BRIP1: variants seen among roughly 807,000 people sequenced by gnomAD.
The protein encoded by BRIP1 is Fanconi anemia group J protein.
In BRIP1, 88 loss-of-function variants were observed where a neutral mutation model predicts 119.7. The observed-to-expected ratio is 0.74, with a 90% confidence interval of 0.62 to 0.88. BRIP1 has a LOEUF of 0.88. Among genes scored for constraint, BRIP1 ranks in the 40% least tolerant of loss-of-function variants. BRIP1 has a pLI of 0.00. For missense variants in BRIP1, 1,259 were observed against 1,455.4 expected (o/e 0.87, Z 2.20); for synonymous variants, 443 against 496.5 (o/e 0.89, Z 1.43).
At chr17:61,855,376 G>A (rs763158244) in intron 4 of BRIP1, among the ~76,000 whole-genome samples, 2 of 152,012 alleles carry the variant, frequency 1.3e-5, no homozygotes, top group East Asian at 1.9e-4. Flanking sequence ...TCAGGAGTTC[G>A]AGACCAGCCT....
chr17:61,734,307 T>C lies in BRIP1; in HGVS notation c.2379+8706A>G, dbSNP rs2076889139. Among the ~76,000 whole-genome samples the C allele has an allele frequency of 6.6e-6, 1 of 152,252 alleles. No homozygotes were observed. The highest frequency in any genetic ancestry group is 6.5e-5 in the Admixed American group (1 of 15,288). ...AAGAAAACAACTTTTATTTTAGTTA[T>C]ACTTTTCCATCGACATCTAGTCATA... On this transcript the variant is annotated intron_variant, in intron 16 of 19. Transcript: ENST00000259008. This position sits in a 1 kb window ranked among gnomAD's most constrained non-coding sequence, Gnocchi z 5.2.
rs36015135 is a variant in BRIP1 at position 61,846,830 on chromosome 17, T to C, written c.627+271A>G. Among the ~76,000 whole-genome samples, 3,505 of 152,276 alleles carry C rather than the reference T, an allele frequency of 0.023. 54 individuals are homozygous for C. Among genetic ancestry groups the C allele is most frequent in the South Asian group, 0.034 (166 of 4,826 alleles). On this transcript the variant is annotated intron_variant, in intron 6 of 19. Coordinates refer to ENST00000259008, the MANE Select transcript of BRIP1 (RefSeq NM_032043.3). The surrounding 1 kb of genome is among the most constrained non-coding windows in gnomAD (Gnocchi z 4.3). ...GAAAGAACTGTAAGGAGTTGGAGAA[T>C]TTACAAACATTAAAATACAGAACAG...
Position 61,742,891 on chromosome 17 carries a change from C to G in BRIP1, c.2379+122G>C. 1 of 1,281,706 alleles carries G rather than the reference C, an allele frequency of 7.8e-7. No homozygotes were observed. The highest frequency in any genetic ancestry group is 1.1e-6 in the Non-Finnish European group (1 of 893,842). 79.4% of individuals were successfully genotyped at this position (1,281,706 alleles called of 1,614,324 possible). A position where few individuals can be genotyped will look rare whatever the true frequency, so the allele number is the denominator to read the frequency against. On this transcript the variant is annotated intron_variant, in intron 16 of 19. Coordinates refer to ENST00000259008, the MANE Select transcript of BRIP1 (RefSeq NM_032043.3). This position sits in a 1 kb window ranked among gnomAD's most constrained non-coding sequence, Gnocchi z 4.7. ...TTGCACAATGCAGGGTTACCATAAA[C>G]CTTCAATTTGTAAAAAAGCACTATA... is the stretch of plus-strand genomic sequence containing the variant.
intron 9 of BRIP1, among the ~76,000 whole-genome samples, chr17:61,797,520 C>T (rs2077919632): frequency 6.6e-6 from 1 of 151,884 alleles, no homozygotes. Context: ...CTGCTAAGAT[C>T]GATGAGGGAA....
In BRIP1 at chr17:61,784,312, C is replaced by T. The variant is rs138784299; in HGVS notation, c.1586G>A (p.Gly529Glu). ...ISASTQIMLK[G>E]LFMVLDYLFR... ...AAGATAGTCAAGTACCATAAAAAGT[C>T]CTTTAAGCATTATTTGAGTTGATGC... The change falls in exon 11 of 20, where the codon GGA (glycine) becomes GAA (glutamate). Residue 529 changes from glycine to glutamate, a missense_variant. By Grantham distance (98) the Gly-to-Glu change is moderately conservative (BLOSUM62 -2). Transcript: ENST00000259008. The T allele has an allele frequency of 3.7e-6, 6 of 1,613,160 alleles. No homozygotes were observed. The African/African-American group carries it at 8.0e-5, about 22-fold the overall frequency.
rs747731659 is a variant in BRIP1, at chr17:61,827,075, G to A, written c.628-18318C>T. On this transcript the variant is annotated intron_variant, in intron 6 of 19. Coordinates refer to ENST00000259008, the MANE Select transcript of BRIP1 (RefSeq NM_032043.3). This position sits in a 1 kb window ranked among gnomAD's most constrained non-coding sequence, Gnocchi z 5.8. Reference sequence around the variant, plus strand: ...TAAAAATGTGGTACATATACACTGTGGAATACTATGTAGCCATAAAAAAAA... The same window carrying A: ...TAAAAATGTGGTACATATACACTGTAGAATACTATGTAGCCATAAAAAAAA... Among the ~76,000 whole-genome samples the A allele has an allele frequency of 8.3e-6, 1 of 120,026 alleles. No homozygotes were observed. Among genetic ancestry groups the A allele is most frequent in the Non-Finnish European group, 1.7e-5 (1 of 57,388 alleles). 78.7% of individuals were successfully genotyped at this position (120,026 alleles called of 152,430 possible).
At chr17:61,718,994 A>C (rs2061927795) in intron 16 of BRIP1, among the ~76,000 whole-genome samples, 1 of 152,176 alleles carries the variant, frequency 6.6e-6, no homozygotes, top group Admixed American at 6.5e-5. Context: ...CAAGAAAAAA[A>C]TCTGTACATG....
At position 61,705,227 on chromosome 17, in the gene BRIP1, T is replaced by A. The variant is rs1217519284; in HGVS notation, c.2492+10724A>T. On this transcript the variant is annotated intron_variant, in intron 17 of 19. Coordinates refer to ENST00000259008, the MANE Select transcript of BRIP1 (RefSeq NM_032043.3). This position sits in a 1 kb window ranked among gnomAD's most constrained non-coding sequence, Gnocchi z 5.0. Reference sequence around the variant, plus strand: ...TGTTTCTGTGTTAGTTTGCTTAGGATAATGGCCTCCAGTTGCATCCATGTT... The same window carrying A: ...TGTTTCTGTGTTAGTTTGCTTAGGAAAATGGCCTCCAGTTGCATCCATGTT... Among the ~76,000 whole-genome samples the A allele has an allele frequency of 2.0e-5, 3 of 152,198 alleles. No individual in the cohort carries two copies. Among genetic ancestry groups the A allele is most frequent in the Admixed American group, 6.5e-5 (1 of 15,276 alleles).
Position 61,862,603 on chromosome 17 carries a change from C to T in BRIP1, c.-31+681G>A, listed in dbSNP as rs1036591641. ...AAGCATAAGTTTCTGTACATGATTG[C>T]ATTTTTCTGAAGAAAAAGTCCATAG... On this transcript the variant is annotated intron_variant, in intron 1 of 19. Coordinates refer to ENST00000259008, the MANE Select transcript of BRIP1 (RefSeq NM_032043.3). This position sits in a 1 kb window ranked among gnomAD's most constrained non-coding sequence, Gnocchi z 5.3. Among the ~76,000 whole-genome samples the T allele has an allele frequency of 6.6e-6, 1 of 152,122 alleles. No individual in the cohort carries two copies. Among genetic ancestry groups the T allele is most frequent in the African/African-American group, 2.4e-5 (1 of 41,414 alleles).
Position 61,724,243 on chromosome 17 carries a change from A to C in BRIP1, c.2380-8180T>G, listed in dbSNP as rs2076736973. 6.6e-6 allele frequency among the ~76,000 whole-genome samples: 1 copy of C among 152,074 alleles called. No homozygotes were observed. The highest frequency in any genetic ancestry group is 2.1e-4 in the South Asian group (1 of 4,830). On this transcript the variant is annotated intron_variant, in intron 16 of 19. Transcript: ENST00000259008. The surrounding 1 kb of genome is among the most constrained non-coding windows in gnomAD (Gnocchi z 5.1). ...ATACCCAATAGACAGATGGCATTCA[A>C]GCAGAAGTTATATGATTTTGGATTC...
rs1053411074 is a variant in BRIP1, at chr17:61,842,792, A to T, written c.627+4309T>A. 5.3e-5 allele frequency among the ~76,000 whole-genome samples: 8 copies of T among 152,192 alleles called. No homozygotes were observed. The highest frequency in any genetic ancestry group is 3.8e-4 in the East Asian group (2 of 5,196). On this transcript the variant is annotated intron_variant, in intron 6 of 19. Transcript: ENST00000259008. This position sits in a 1 kb window ranked among gnomAD's most constrained non-coding sequence, Gnocchi z 5.1. ...GTATGCCAGATACTCTCAGCACTGT[A>T]TAGATATCAACTTGTTTAATCCTCC...
chr17:61,785,084 C>T (rs921559405), intron 10 of BRIP1, among the ~76,000 whole-genome samples: 2 of 152,036 alleles, frequency 1.3e-5, no homozygotes, highest in Non-Finnish European at 2.9e-5. Flanking sequence ...TTATTTGGTG[C>T]CTTTCAGATG....
In BRIP1 at chr17:61,754,667, C is replaced by G. The variant is rs887856185; in HGVS notation, c.2098-10076G>C. Among the ~76,000 whole-genome samples the G allele has an allele frequency of 6.6e-6, 1 of 152,140 alleles. No homozygotes were observed. Among genetic ancestry groups the G allele is most frequent in the Non-Finnish European group, 1.5e-5 (1 of 68,018 alleles). Reference sequence around the variant, plus strand: ...TGGCTTAAACAAGAGAAATTTATTTCTTACTTCTTGGCTATGAAGTCCAAG... The same window carrying G: ...TGGCTTAAACAAGAGAAATTTATTTGTTACTTCTTGGCTATGAAGTCCAAG... On this transcript the variant is annotated intron_variant, in intron 14 of 19. Transcript: ENST00000259008. This position sits in a 1 kb window ranked among gnomAD's most constrained non-coding sequence, Gnocchi z 4.1.
At position 61,799,448 on chromosome 17, in the gene BRIP1, C is replaced by T. The variant is rs1227036248; in HGVS notation, c.1141-149G>A. On this transcript the variant is annotated intron_variant, in intron 8 of 19. Coordinates refer to ENST00000259008, the MANE Select transcript of BRIP1 (RefSeq NM_032043.3). The surrounding 1 kb of genome is among the most constrained non-coding windows in gnomAD (Gnocchi z 5.1). ...CAGAGATTCTAGGTCTTAAATAAAA[C>T]TTCTGAAGCACTATGGCCAACCAAA... The T allele has an allele frequency of 4.3e-5, 29 of 667,796 alleles. No homozygotes were observed. The East Asian group carries it at 7.3e-4, about 17-fold the overall frequency. The allele number at this position is 667,796 out of a possible 1,614,324, so 41.4% of individuals were successfully genotyped here. A position where few individuals can be genotyped will look rare whatever the true frequency, so the allele number is the denominator to read the frequency against.
chr17:61,790,185 A>T (rs925964948), intron 10 of BRIP1, among the ~76,000 whole-genome samples: 3 of 152,176 alleles, frequency 2.0e-5, no homozygotes, highest in Admixed American at 2.0e-4. Context: ...CTTCAACTTC[A>T]TAAAAATAGA....
At chr17:61,772,429 G>A (rs931155141) in intron 14 of BRIP1, among the ~76,000 whole-genome samples, 2 of 151,674 alleles carry the variant, frequency 1.3e-5, no homozygotes. Flanking sequence ...GTTATTTTGT[G>A]GGAACAGAGT....
chr17:61,731,061 C>A (rs1259379147), intron 16 of BRIP1, among the ~76,000 whole-genome samples: 1 of 145,692 alleles, frequency 6.9e-6, no homozygotes, highest in East Asian at 2.0e-4. Flanking sequence ...TTTCAAAATA[C>A]TTTTGGCCAA....
chr17:61,708,167 A>C lies in BRIP1; in HGVS notation c.2492+7784T>G, dbSNP rs1476741087. ...AGCCTGCAAAGCCTAAAATATACACAATAGTCCCCCACAGCCACAATCTTG... is the reference window on the plus strand; with the variant it reads ...AGCCTGCAAAGCCTAAAATATACACCATAGTCCCCCACAGCCACAATCTTG... On this transcript the variant is annotated intron_variant, in intron 17 of 19. Coordinates refer to ENST00000259008, the MANE Select transcript of BRIP1 (RefSeq NM_032043.3). The surrounding 1 kb of genome is among the most constrained non-coding windows in gnomAD (Gnocchi z 4.4). Among the ~76,000 whole-genome samples the C allele has an allele frequency of 6.6e-6, 1 of 152,202 alleles. No individual in the cohort carries two copies. Among genetic ancestry groups the C allele is most frequent in the African/African-American group, 2.4e-5 (1 of 41,438 alleles).
chr17:61,804,671 T>C lies in BRIP1; in HGVS notation c.919-3197A>G, dbSNP rs2145374230. On this transcript the variant is annotated intron_variant, in intron 7 of 19. Coordinates refer to ENST00000259008, the MANE Select transcript of BRIP1 (RefSeq NM_032043.3). This position sits in a 1 kb window ranked among gnomAD's most constrained non-coding sequence, Gnocchi z 4.5. ...AGTGCTGGCATTACAGGCATGAGCA[T>C]CATGCCCGGCCAATGTATTTTTTAC... 1.3e-5 allele frequency among the ~76,000 whole-genome samples: 2 copies of C among 152,122 alleles called. No individual in the cohort carries two copies. The highest frequency in any genetic ancestry group is 3.9e-4 in the East Asian group (2 of 5,190).
Sources: gnomAD v4.1 joint callset for allele counts (sites outside exome capture counted in the v4.1 genomes callset) on GRCh38, gnomAD v4.1.1 for gene constraint, Gnocchi (gnomAD v3.1) non-coding constraint, MANE v1.5 for transcripts, NCBI Gene and HGNC (gene_info 2026-07-23, HGNC 2026-07-21) for gene names.